The following GPC5 variants were observed in gnomAD, a reference collection of about 807,000 sequenced individuals.
GPC5 encodes the protein glypican 5.
Under a neutral mutation model 53.9 loss-of-function variants are expected in GPC5, and 47 were observed. The ratio of observed to expected loss-of-function variants is 0.87; its 90% CI spans 0.69 to 1.11. The LOEUF is 1.11. GPC5 is among the 50% of genes most tolerant of loss of function. The pLI is 0.00. For missense variants in GPC5, 748 were observed against 713.1 expected (o/e 1.05, Z -0.56); for synonymous variants, 286 against 263.3 (o/e 1.09, Z -0.84).
At chr13:91,560,707 C>A (rs948546457) in intron 2 of GPC5, among the ~76,000 whole-genome samples, 1 of 151,948 alleles carries the variant, frequency 6.6e-6, no homozygotes, top group Admixed American at 6.6e-5. Flanking sequence ...CCTAGACTAG[C>A]CAGATTTTCT....
At chr13:92,160,202 A>G (rs768727891) in intron 7 of GPC5, among the ~76,000 whole-genome samples, 5 of 152,156 alleles carry the variant, frequency 3.3e-5, no homozygotes, top group Admixed American at 1.3e-4. Flanking sequence ...GAAAGTATCT[A>G]TGTTCTTTTA....
At chr13:92,798,203 T>C (rs1231432452) in intron 7 of GPC5, among the ~76,000 whole-genome samples, 1 of 151,864 alleles carries the variant, frequency 6.6e-6, no homozygotes, top group African/African-American at 2.4e-5. Context: ...TGGTTGTTTT[T>C]TGGGTATTTT....
At chr13:92,629,583 A>G (rs1001347143) in intron 7 of GPC5, among the ~76,000 whole-genome samples, 1 of 152,214 alleles carries the variant, frequency 6.6e-6, no homozygotes, top group Non-Finnish European at 1.5e-5. Context: ...ACATTTTCGA[A>G]TATATAATCA....
rs548914484 is a variant in GPC5 at position 92,186,972 on chromosome 13, C to T, written c.1561+41983C>T. 5.9e-5 allele frequency among the ~76,000 whole-genome samples: 9 copies of T among 152,142 alleles called. No individual in the cohort carries two copies. The East Asian group carries it at 1.6e-3, about 26-fold the overall frequency. On this transcript the variant is annotated intron_variant, in intron 7 of 7. Transcript: ENST00000377067. ...ACTGAAAATACAAAAATTAGCCGGGCGTGTTAGTGCACACCTGTAATTCCA... is the reference window on the plus strand; with the variant it reads ...ACTGAAAATACAAAAATTAGCCGGGTGTGTTAGTGCACACCTGTAATTCCA...
chr13:92,659,758 T>C (rs1773087902), intron 7 of GPC5, among the ~76,000 whole-genome samples: 1 of 152,040 alleles, frequency 6.6e-6, no homozygotes, highest in Non-Finnish European at 1.5e-5. Context: ...TCTCAGAGGG[T>C]ATGTAAGAAG....
chr13:92,256,544 C>T (rs1233908619), intron 7 of GPC5, among the ~76,000 whole-genome samples: 1 of 151,984 alleles, frequency 6.6e-6, no homozygotes, highest in African/African-American at 2.4e-5. Flanking sequence ...TTTTTGTACT[C>T]TTTTCTTTTT....
chr13:92,503,385 G>A (rs1027602327), intron 7 of GPC5, among the ~76,000 whole-genome samples: 1 of 151,692 alleles, frequency 6.6e-6, no homozygotes, highest in Non-Finnish European at 1.5e-5. Context: ...TTTGTGGGAT[G>A]CAGCTAAAGC....
chr13:92,454,599 G>C (rs1299894846), intron 7 of GPC5, among the ~76,000 whole-genome samples: 1 of 152,214 alleles, frequency 6.6e-6, no homozygotes, highest in Non-Finnish European at 1.5e-5. Flanking sequence ...TGGTAAAAGA[G>C]TAGACAAGAT....
chr13:91,902,574 A>G (rs1355298635), intron 5 of GPC5, among the ~76,000 whole-genome samples: 1 of 152,008 alleles, frequency 6.6e-6, no homozygotes, highest in African/African-American at 2.4e-5. Flanking sequence ...TTTTGGTTTT[A>G]TTCCATCCTT....
intron 7 of GPC5, among the ~76,000 whole-genome samples, chr13:92,433,347 A>G (rs1877175112): frequency 6.6e-6 from 1 of 152,168 alleles, no homozygotes; most frequent in Admixed American, 6.5e-5. Context: ...ATGATTATGA[A>G]TTAGGAAGTA....
chr13:92,695,398 A>G (rs1330960089), intron 7 of GPC5, among the ~76,000 whole-genome samples: 1 of 152,100 alleles, frequency 6.6e-6, no homozygotes, highest in Non-Finnish European at 1.5e-5. Flanking sequence ...ACCCTTGTAA[A>G]ATTTGCTTAT....
intron 7 of GPC5, among the ~76,000 whole-genome samples, chr13:92,376,755 C>A (rs574338492): frequency 6.6e-6 from 1 of 151,980 alleles, no homozygotes; most frequent in African/African-American, 2.4e-5. Flanking sequence ...GTGGCTCACG[C>A]CTGTAATCCC....
At chr13:91,584,045 A>G (rs1222618801) in intron 2 of GPC5, among the ~76,000 whole-genome samples, 2 of 152,130 alleles carry the variant, frequency 1.3e-5, no homozygotes, top group African/African-American at 2.4e-5. Flanking sequence ...AATATGACTG[A>G]TGTCCTTGTA....
intron 7 of GPC5, among the ~76,000 whole-genome samples, chr13:92,206,337 T>C (rs1026102800): frequency 1.1e-4 from 16 of 151,104 alleles, no homozygotes; most frequent in Non-Finnish European, 2.1e-4. Flanking sequence ...GCTAATTTTT[T>C]TGTAGTTTTA....
At position 91,907,984 on chromosome 13, in the gene GPC5, A is replaced by C. The variant is rs1245052544; in HGVS notation, c.1328A>C (p.Asn443Thr). 6.3e-7 allele frequency: 1 copy of C among 1,595,020 alleles called. No individual in the cohort carries two copies. Among genetic ancestry groups the C allele is most frequent in the Non-Finnish European group, 8.5e-7 (1 of 1,178,258 alleles). ...VGNGIKAQSG[N>T]PEVKVKGIDP... is the part of the protein sequence containing the mutation. ...AATGGAATCAAAGCCCAGTCTGGAA[A>C]TCCTGAAGTCAAAGTCAAAGGAATT... The change falls in exon 6 of 8, where the codon AAT (asparagine) becomes ACT (threonine). Residue 443 changes from asparagine to threonine, a missense_variant. Physicochemically the swap from Asn to Thr is moderately conservative, Grantham distance 65. Transcript: ENST00000377067.
At chr13:92,580,327 G>A (rs1225757929) in intron 7 of GPC5, among the ~76,000 whole-genome samples, 5 of 152,266 alleles carry the variant, frequency 3.3e-5, no homozygotes, top group African/African-American at 1.2e-4. Flanking sequence ...TAGGAACTAT[G>A]GTTTCTAGTC....
intron 5 of GPC5, among the ~76,000 whole-genome samples, chr13:91,832,307 T>C (rs1438709258): frequency 6.6e-6 from 1 of 150,498 alleles, no homozygotes. Context: ...TCTCTTTTTT[T>C]TTTTTTTTTT....
At chr13:91,829,320 T>G (rs2038620408) in intron 5 of GPC5, among the ~76,000 whole-genome samples, 1 of 151,992 alleles carries the variant, frequency 6.6e-6, no homozygotes, top group African/African-American at 2.4e-5. Flanking sequence ...CAATTCATAT[T>G]AGAGACTAAA....
chr13:92,293,923 T>G (rs9516054), intron 7 of GPC5, among the ~76,000 whole-genome samples: 65,085 of 152,018 alleles, frequency 0.43, 15,161 homozygotes, highest in African/African-American at 0.62. Context: ...TTTGTCAAAA[T>G]CTTTTTCTGA....
Sources: allele counts gnomAD v4.1 joint callset (sites outside exome capture counted in the v4.1 genomes callset), GRCh38; gene constraint gnomAD v4.1.1; transcripts MANE v1.5; gene names NCBI Gene and HGNC (gene_info 2026-07-23, HGNC 2026-07-21).